The following ELP4 variants were observed in gnomAD, a reference collection of about 807,000 sequenced individuals.
The protein encoded by ELP4 is elongator acetyltransferase complex subunit 4.
ELP4 carries 51 observed loss-of-function variants against 48.9 expected under a neutral mutation model. The ratio of observed to expected loss-of-function variants is 1.04; its 90% CI spans 0.83 to 1.32. The LOEUF is 1.32. ELP4 is among the 40% of genes most tolerant of loss of function. The pLI is 0.00. For missense variants in ELP4, 519 were observed against 514.6 expected (o/e 1.01, Z -0.08); for synonymous variants, 210 against 189.2 (o/e 1.11, Z -0.90).
intron 9 of ELP4, among the ~76,000 whole-genome samples, chr11:31,740,911 G>A (rs182587203): frequency 6.6e-5 from 10 of 152,188 alleles, no homozygotes; most frequent in African/African-American, 9.6e-5. Flanking sequence ...TGGGTGCAGC[G>A]CACCGTGCGT....
At chr11:31,643,829 G>C (rs1483358828) in intron 7 of ELP4, among the ~76,000 whole-genome samples, 2 of 150,670 alleles carry the variant, frequency 1.3e-5, no homozygotes, top group African/African-American at 2.4e-5. Flanking sequence ...TACTCTGAAG[G>C]TTTTTTTTTG....
intron 9 of ELP4, among the ~76,000 whole-genome samples, chr11:31,684,430 C>A (rs1164697300): frequency 1.3e-5 from 2 of 152,164 alleles, no homozygotes; most frequent in African/African-American, 2.4e-5. Flanking sequence ...TGGTCTCGAA[C>A]TCCTGACCTC....
rs752052976 is a variant in ELP4 at position 31,789,627 on chromosome 11, A to T, written c.*6103A>T. 16 of 689,278 alleles carry T rather than the reference A, an allele frequency of 2.3e-5. No individual in the cohort carries two copies. Among genetic ancestry groups the T allele is most frequent in the Non-Finnish European group, 4.0e-5 (15 of 379,478 alleles). The allele number at this position is 689,278 out of a possible 1,614,324, so 42.7% of individuals were successfully genotyped here. A position where few individuals can be genotyped will look rare whatever the true frequency, so the allele number is the denominator to read the frequency against. ...ACCAACACAGATCAAACATCCATCC[A>T]GTCTACATTGTTCTTTTTTTCATTA... On this transcript the variant is annotated 3_prime_UTR_variant, in exon 10 of 10. Coordinates refer to ENST00000640961, the MANE Select transcript of ELP4 (RefSeq NM_019040.5).
At chr11:31,553,946 A>T (rs1250103621) in intron 3 of ELP4, among the ~76,000 whole-genome samples, 1 of 152,166 alleles carries the variant, frequency 6.6e-6, no homozygotes, top group East Asian at 1.9e-4. Flanking sequence ...TGCTTGTATT[A>T]CTGCCTGAGC....
chr11:31,757,833 A>G (rs1216243897), intron 9 of ELP4, among the ~76,000 whole-genome samples: 1 of 152,164 alleles, frequency 6.6e-6, no homozygotes, highest in East Asian at 1.9e-4. Flanking sequence ...ATAGAAGTGG[A>G]GGTAATAGTT....
At chr11:31,683,253 A>G (rs1390339656) in intron 9 of ELP4, among the ~76,000 whole-genome samples, 2 of 151,848 alleles carry the variant, frequency 1.3e-5, no homozygotes, top group Non-Finnish European at 2.9e-5. Context: ...TTGCTGTGCA[A>G]CTCTTTAGGA....
At chr11:31,623,740 C>T (rs1333088692) in intron 5 of ELP4, among the ~76,000 whole-genome samples, 1 of 149,672 alleles carries the variant, frequency 6.7e-6, no homozygotes, top group African/African-American at 2.5e-5. Flanking sequence ...CTATTCTGTG[C>T]AAAAATGGTA....
intron 5 of ELP4, among the ~76,000 whole-genome samples, chr11:31,624,428 A>T (rs1465860683): frequency 6.6e-6 from 1 of 151,680 alleles, no homozygotes; most frequent in African/African-American, 2.4e-5. Flanking sequence ...TTCAGTAAAT[A>T]ATAGTCTAAA....
intron 3 of ELP4, among the ~76,000 whole-genome samples, chr11:31,551,223 TTTAA>T (rs1259634210): frequency 6.6e-6 from 1 of 152,186 alleles, no homozygotes; most frequent in African/African-American, 2.4e-5. Context: ...GTTAGTCCTC[TTTAA>T]TTAGGGCATG....
chr11:31,621,694 G>T (rs1391821824), intron 5 of ELP4, among the ~76,000 whole-genome samples: 1 of 151,842 alleles, frequency 6.6e-6, no homozygotes, highest in Admixed American at 6.6e-5. Context: ...TACATTGTAA[G>T]TAAGGCCTTG....
chr11:31,669,168 G>A (rs1423235982), intron 9 of ELP4, among the ~76,000 whole-genome samples: 4 of 151,334 alleles, frequency 2.6e-5, no homozygotes, highest in Non-Finnish European at 4.4e-5. Flanking sequence ...GCGCGATCTC[G>A]GCTCACTGCA....
intron 9 of ELP4, among the ~76,000 whole-genome samples, chr11:31,697,382 TA>T (rs1336451949): frequency 6.6e-6 from 1 of 152,150 alleles, no homozygotes; most frequent in Non-Finnish European, 1.5e-5. Flanking sequence ...TTCTGTATTA[TA>T]ATGGAAGAGG....
At chr11:31,679,196 ATTCAAG>A (rs1348711598) in intron 9 of ELP4, among the ~76,000 whole-genome samples, 8 of 152,194 alleles carry the variant, frequency 5.3e-5, no homozygotes, top group Admixed American at 2.0e-4. Context: ...ATGCAACTAT[ATTCAAG>A]TTCAGTTGAC....
intron 5 of ELP4, among the ~76,000 whole-genome samples, chr11:31,625,583 T>C (rs532890667): frequency 3.4e-4 from 51 of 152,010 alleles, no homozygotes; most frequent in Non-Finnish European, 6.6e-4. Flanking sequence ...TCCCCTGTTA[T>C]TATTATATGA....
chr11:31,601,053 ATG>A (rs1214178309), intron 4 of ELP4, among the ~76,000 whole-genome samples: 3 of 152,152 alleles, frequency 2.0e-5, no homozygotes, highest in Non-Finnish European at 4.4e-5. Context: ...CTAAAGCAAC[ATG>A]TTCTTACCTA....
At chr11:31,579,139 CCT>C (rs1358275967) in intron 3 of ELP4, among the ~76,000 whole-genome samples, 7 of 152,164 alleles carry the variant, frequency 4.6e-5, no homozygotes, top group African/African-American at 1.7e-4. Flanking sequence ...TGGACAGACA[CCT>C]CTCAAAAGAA....
At chr11:31,527,949 C>T (rs190220753) in intron 2 of ELP4, among the ~76,000 whole-genome samples, 1 of 152,136 alleles carries the variant, frequency 6.6e-6, no homozygotes, top group Admixed American at 6.5e-5. Context: ...TCATTCTGAG[C>T]TTTTAATTCC....
At chr11:31,518,724 G>A (rs1487421050) in intron 1 of ELP4, among the ~76,000 whole-genome samples, 1 of 151,182 alleles carries the variant, frequency 6.6e-6, no homozygotes, top group African/African-American at 2.4e-5. Context: ...GTGAAACCCC[G>A]TCTCTACTAA....
chr11:31,756,049 A>C (rs1028455471), intron 9 of ELP4, among the ~76,000 whole-genome samples: 3 of 152,204 alleles, frequency 2.0e-5, no homozygotes, highest in African/African-American at 7.2e-5. Context: ...GGTTTGGGAA[A>C]TTTATTTAAA....
Sources: allele counts gnomAD v4.1 joint callset (sites outside exome capture counted in the v4.1 genomes callset), GRCh38; gene constraint gnomAD v4.1.1; transcripts MANE v1.5; gene names NCBI Gene and HGNC (gene_info 2026-07-23, HGNC 2026-07-21).